TUBB8B: variants seen among roughly 807,000 people sequenced by gnomAD.
The protein encoded by TUBB8B is tubulin beta 8B.
In TUBB8B, 26 loss-of-function variants were observed where a neutral mutation model predicts 31.9. The observed-to-expected ratio is 0.81, with a 90% CI of 0.60 to 1.13. The LOEUF (loss-of-function observed/expected upper bound fraction) is 1.13. Ranked by LOEUF, TUBB8B falls within the 50% of genes most tolerant of loss-of-function variation. The pLI is 0.00. For synonymous variants in TUBB8B, 173 were observed against 231.0 expected, an observed-to-expected ratio of 0.75 and a Z score of 2.28; for missense variants, 467 against 586.7, an observed-to-expected ratio of 0.80 and a Z score of 2.11.
chr18:65,101 G>GGTC, the TUBB8B span, among the ~76,000 whole-genome samples: 1 of 152,060 alleles, frequency 6.6e-6, no homozygotes, highest in Non-Finnish European at 1.5e-5. Context: ...AGGAGTTTGA[G>GGTC]ACCCGTCTTG....
At position 47,762 on chromosome 18, in the gene TUBB8B, C is replaced by G. The variant is rs758473790; in HGVS notation, c.963G>C (p.Met321Ile). 1 of 1,611,278 alleles carries G rather than the reference C, an allele frequency of 6.2e-7. No individual in the cohort carries two copies. The highest frequency in any genetic ancestry group is 1.3e-5 in the African/African-American group (1 of 74,878). Residue 321 changes from methionine to isoleucine, a missense_variant, in exon 4 of 4, where the codon ATG becomes ATC. Around this residue, in one of 2 missense-constraint regions of TUBB8B, gnomAD observed 208 missense variants for 206.7 expected, o/e 1.01. Coordinates refer to ENST00000308911, the MANE Select transcript of TUBB8B (RefSeq NM_001358689.2). ...LTVAAIFRGRMPMREVDEQMF... is the reference protein window; with the variant it reads ...LTVAAIFRGRIPMREVDEQMF... ...TTTGTTCATCCACCTCCCTCATGGG[C>G]ATGCGACCCCTGAAAATGGCAGCCA...
the TUBB8B span, among the ~76,000 whole-genome samples, chr18:72,162 A>C: frequency 1.4e-5 from 2 of 143,828 alleles, no homozygotes; most frequent in African/African-American, 5.2e-5. Context: ...TGGGAGACAG[A>C]GCGAGACTCC....
At chr18:62,130 T>C in the TUBB8B span, among the ~76,000 whole-genome samples, 1 of 151,760 alleles carries the variant, frequency 6.6e-6, no homozygotes, top group African/African-American at 2.4e-5. Flanking sequence ...AAAGTCTTTT[T>C]TTTTCCTTCA....
the TUBB8B span, among the ~76,000 whole-genome samples, chr18:65,098 T>C: frequency 1.3e-5 from 2 of 152,006 alleles, no homozygotes; most frequent in Non-Finnish European, 2.9e-5. Flanking sequence ...GTCAGGAGTT[T>C]GAGACCCGTC....
At chr18:68,735 C>T in the TUBB8B span, among the ~76,000 whole-genome samples, 7 of 152,154 alleles carry the variant, frequency 4.6e-5, no homozygotes, top group African/African-American at 1.7e-4. Context: ...TTCCCACTGG[C>T]CTTAGAACAA....
chr18:53,057 T>C (rs1906173481), upstream of TUBB8B, among the ~76,000 whole-genome samples: 1 of 151,778 alleles, frequency 6.6e-6, no homozygotes, highest in Non-Finnish European at 1.5e-5. Context: ...GTGGAAGATG[T>C]CTTGTATGGC....
chr18:65,846 A>T, the TUBB8B span, among the ~76,000 whole-genome samples: 1 of 152,216 alleles, frequency 6.6e-6, no homozygotes, highest in Non-Finnish European at 1.5e-5. Flanking sequence ...AGTAAACTAC[A>T]ACACAAAATT....
chr18:48,568 G>A lies in TUBB8B; in HGVS notation c.278-121C>T, dbSNP rs147352776. The A allele has an allele frequency of 5.3e-4, 425 of 796,800 alleles. 5 individuals are homozygous for A. In the East Asian group the frequency reaches 0.01, roughly 19 times the overall value. The allele number at this position is 796,800 out of a possible 1,614,324, so 49.4% of individuals were successfully genotyped here. On this transcript the variant is annotated intron_variant, in intron 3 of 3. Coordinates refer to ENST00000308911, the MANE Select transcript of TUBB8B (RefSeq NM_001358689.2). ...TGAAAGCACCATTCGCCCTGCAGGTGGAGCAAATGAAACTCCCTCCTCCAG... is the reference window on the plus strand; with the variant it reads ...TGAAAGCACCATTCGCCCTGCAGGTAGAGCAAATGAAACTCCCTCCTCCAG...
At chr18:61,338 T>C in the TUBB8B span, among the ~76,000 whole-genome samples, 1 of 151,646 alleles carries the variant, frequency 6.6e-6, no homozygotes, top group East Asian at 1.9e-4. Flanking sequence ...TCTAAATGTA[T>C]CTTTACAGGT....
chr18:57,576 G>GT, the TUBB8B span, among the ~76,000 whole-genome samples: 2 of 151,960 alleles, frequency 1.3e-5, no homozygotes, highest in South Asian at 4.2e-4. Flanking sequence ...CCACTGGCTG[G>GT]TTTTGTGTGC....
the TUBB8B span, among the ~76,000 whole-genome samples, chr18:73,145 C>A: frequency 6.6e-6 from 1 of 152,160 alleles, no homozygotes; most frequent in East Asian, 1.9e-4. Flanking sequence ...CAGAAACAAA[C>A]TCGCATTCGT....
Position 48,443 on chromosome 18 carries a change from C to T in TUBB8B, c.282G>A (p.Gln94=), listed in dbSNP as rs747094450. ...TGGCCCAGTTGTTTCCGGCCCCACA[C>T]TGACCTGTAAGACAGCACAGCCGGT... ...VFRPDNFISG[Q]CGAGNNWAKG... Residue 94 remains glutamine, a synonymous_variant, in exon 4 of 4, where the codon CAG becomes CAA. Transcript: ENST00000308911. 1 of 1,593,980 alleles carries T rather than the reference C, an allele frequency of 6.3e-7. No homozygotes were observed. The highest frequency in any genetic ancestry group is 8.6e-7 in the Non-Finnish European group (1 of 1,162,840).
chr18:68,873 T>C, the TUBB8B span, among the ~76,000 whole-genome samples: 3 of 152,186 alleles, frequency 2.0e-5, no homozygotes, highest in Non-Finnish European at 4.4e-5. Context: ...AGCAGCCTCC[T>C]GGGTGTCTCG....
the TUBB8B span, among the ~76,000 whole-genome samples, chr18:58,202 C>T: frequency 5.3e-5 from 8 of 151,252 alleles, no homozygotes; most frequent in Non-Finnish European, 1.2e-4. Context: ...AGTGATTGCT[C>T]CACAGGCTGC....
the TUBB8B span, among the ~76,000 whole-genome samples, chr18:54,625 G>A: frequency 7.9e-5 from 12 of 152,020 alleles, no homozygotes; most frequent in Non-Finnish European, 7.4e-5. Context: ...GTGAGGACAT[G>A]TGACATTTTT....
chr18:58,723 G>A, the TUBB8B span, among the ~76,000 whole-genome samples: 20 of 151,680 alleles, frequency 1.3e-4, 1 homozygote, highest in East Asian at 3.3e-3. Context: ...ACATTTTCAG[G>A]TATTCATATA....
chr18:64,075 AACCCCTAACCCTAACCCTC>A, the TUBB8B span, among the ~76,000 whole-genome samples: 1 of 150,514 alleles, frequency 6.6e-6, no homozygotes, highest in Non-Finnish European at 1.5e-5. Context: ...CCCCAACACT[AACCCCTAACCCTAACCCTC>A]ACCCTCACCC....
chr18:60,393 T>C, the TUBB8B span, among the ~76,000 whole-genome samples: 1 of 151,368 alleles, frequency 6.6e-6, no homozygotes, highest in South Asian at 2.1e-4. Flanking sequence ...AAATATTTGT[T>C]AATTGTTTTA....
At chr18:64,088 AACCCTC>A in the TUBB8B span, among the ~76,000 whole-genome samples, 768 of 150,530 alleles carry the variant, frequency 5.1e-3, 2 homozygotes, top group African/African-American at 0.018. Context: ...CCCTAACCCT[AACCCTC>A]ACCCTCACCC....
Sources: gnomAD v4.1 joint callset for allele counts (sites outside exome capture counted in the v4.1 genomes callset) on GRCh38, gnomAD v4.1.1 for gene constraint, gnomAD v4.1.1 regional missense constraint, MANE v1.5 for transcripts, NCBI Gene and HGNC (gene_info 2026-07-23, HGNC 2026-07-21) for gene names.